The following LCN2 variants were observed in gnomAD, a reference collection of about 807,000 sequenced individuals.
The protein encoded by LCN2 is lipocalin 2.
A neutral mutation model predicts 26.4 loss-of-function variants in LCN2; 27 were observed. The observed-to-expected ratio is 1.02, with a 90% CI of 0.76 to 1.41. The LOEUF is 1.41. LCN2 is among the 40% of genes most tolerant of loss of function. The pLI is 0.00. For missense variants in LCN2, 224 were observed against 237.6 expected (o/e 0.94, Z 0.38); for synonymous variants, 94 against 98.9 (o/e 0.95, Z 0.30).
At chr9:128,152,480 G>C (rs1303684910) in intron 5 of LCN2, among the ~76,000 whole-genome samples, 196 bp downstream of exon 5, 3 of 152,170 alleles carry the variant, frequency 2.0e-5, no homozygotes, top group Non-Finnish European at 4.4e-5. Context: ...GGGACTCCCA[G>C]GGACCCAGGC....
chr9:128,149,490 A>AG lies in LCN2; in HGVS notation c.-35dup. 2 of 1,552,576 alleles carry AG rather than the reference A, an allele frequency of 1.3e-6. No individual in the cohort carries two copies. The highest frequency in any genetic ancestry group is 1.7e-6 in the Non-Finnish European group (2 of 1,147,636). ...CTCTTCCACCCCTGCCAGGCCCAGC[A>AG]GCCACCACAGCGCCTGCTTCCTCGG... On this transcript the variant is annotated 5_prime_UTR_variant, in exon 1 of 7. Coordinates refer to ENST00000277480, the MANE Select transcript of LCN2 (RefSeq NM_005564.5).
Position 128,150,349 on chromosome 9 carries a change from T to C in LCN2, c.250T>C (p.Tyr84His). The change falls in exon 2 of 7, where the codon TAC becomes CAC. Residue 84 changes from tyrosine (Y) to histidine (H), a missense_variant. Physicochemically the swap from Tyr to His is moderately conservative, Grantham distance 83. Coordinates refer to ENST00000277480, the MANE Select transcript of LCN2 (RefSeq NM_005564.5). ...TIYELKEDKSYNVTSVLFRKK... is the reference protein window; with the variant it reads ...TIYELKEDKSHNVTSVLFRKK... ...CTATGAGCTGAAAGAAGACAAGAGC[T>C]ACAATGTCACCTCCGTCCTGTTTAG... The C allele has an allele frequency of 6.2e-7, 1 of 1,614,096 alleles. No individual in the cohort carries two copies. The highest frequency in any genetic ancestry group is 8.5e-7 in the Non-Finnish European group (1 of 1,179,994).
Position 128,150,231 on chromosome 9 carries a change from C to T in LCN2, c.139-7C>T. 6.2e-7 allele frequency: 1 copy of T among 1,612,528 alleles called. No individual in the cohort carries two copies. Among genetic ancestry groups the T allele is most frequent in the East Asian group, 2.2e-5 (1 of 44,872 alleles). On this transcript the variant is annotated splice_polypyrimidine_tract_variant and splice_region_variant and intron_variant, in intron 1 of 6. Coordinates refer to ENST00000277480, the MANE Select transcript of LCN2 (RefSeq NM_005564.5). ...CCTGGGTTGTGCCTCTTATCAGTCC[C>T]TTGCAGTTCCAGGGGAAGTGGTATG... is the stretch of plus-strand genomic sequence containing the variant.
rs971942035 is a variant in LCN2 at position 128,153,371 on chromosome 9, C to T, written c.*68C>T. ...TGAGGGAGCTGGGAGACCCTCCCCA[C>T]AGTGCCACCCATGCAGCTGCTCCCC... is the stretch of plus-strand genomic sequence containing the variant. On this transcript the variant is annotated 3_prime_UTR_variant, in exon 7 of 7. Coordinates refer to ENST00000277480, the MANE Select transcript of LCN2 (RefSeq NM_005564.5). The surrounding 1 kb of genome is among the most constrained non-coding windows in gnomAD (Gnocchi z 5.4). 1.7e-6 allele frequency: 1 copy of T among 580,342 alleles called. No homozygotes were observed. The highest frequency in any genetic ancestry group is 3.1e-6 in the Non-Finnish European group (1 of 323,360). 35.9% of individuals were successfully genotyped at this position (580,342 alleles called of 1,614,324 possible).
chr9:128,149,997 G>T (rs1343950965), intron 1 of LCN2, among the ~76,000 whole-genome samples: 1 of 151,944 alleles, frequency 6.6e-6, no homozygotes, highest in Non-Finnish European at 1.5e-5. Flanking sequence ...GCCTCCTCCA[G>T]TGAGGAGGTC....
Position 128,150,392 on chromosome 9 carries a change from C to T in LCN2, c.275+18C>T, listed in dbSNP as rs781027074. ...CTGTTTAGGTGAGGGCCGACATCTC[C>T]TGGGGGTGTGAGAGTCAGACTGACG... is the stretch of plus-strand genomic sequence containing the variant. On this transcript the variant is annotated intron_variant, in intron 2 of 6. Coordinates refer to ENST00000277480, the MANE Select transcript of LCN2 (RefSeq NM_005564.5). 8 of 1,614,180 alleles carry T rather than the reference C, an allele frequency of 5.0e-6. No individual in the cohort carries two copies. Among genetic ancestry groups the T allele is most frequent in the East Asian group, 2.2e-5 (1 of 44,886 alleles).
intron 2 of LCN2, among the ~76,000 whole-genome samples, chr9:128,150,860 C>T (rs1055461629): frequency 2.6e-5 from 4 of 152,226 alleles, no homozygotes; most frequent in African/African-American, 4.8e-5. Flanking sequence ...TAGCACGGTC[C>T]TCAGGCCCCG....
Position 128,153,379 on chromosome 9 carries a change from C to G in LCN2, c.*76C>G. On this transcript the variant is annotated 3_prime_UTR_variant, in exon 7 of 7. Transcript: ENST00000277480. This position sits in a 1 kb window ranked among gnomAD's most constrained non-coding sequence, Gnocchi z 5.4. ...CTGGGAGACCCTCCCCACAGTGCCA[C>G]CCATGCAGCTGCTCCCCAGGCCACC... is the stretch of plus-strand genomic sequence containing the variant. 1.7e-6 allele frequency: 1 copy of G among 574,756 alleles called. No homozygotes were observed. Among genetic ancestry groups the G allele is most frequent in the Non-Finnish European group, 3.1e-6 (1 of 320,062 alleles). The allele number at this position is 574,756 out of a possible 1,614,324, so 35.6% of individuals were successfully genotyped here. A position where few individuals can be genotyped will look rare whatever the true frequency, so the allele number is the denominator to read the frequency against.
Position 128,153,340 on chromosome 9 carries a change from C to T in LCN2, c.*37C>T, listed in dbSNP as rs953285878. 2 of 622,102 alleles carry T rather than the reference C, an allele frequency of 3.2e-6. No homozygotes were observed. Among genetic ancestry groups the T allele is most frequent in the Non-Finnish European group, 2.9e-6 (1 of 347,346 alleles). 38.5% of individuals were successfully genotyped at this position (622,102 alleles called of 1,614,324 possible). ...CCGCCAGCTGCCGCACCAGCCCGAA[C>T]ACCATTGAGGGAGCTGGGAGACCCT... On this transcript the variant is annotated 3_prime_UTR_variant, in exon 7 of 7. Coordinates refer to ENST00000277480, the MANE Select transcript of LCN2 (RefSeq NM_005564.5). The surrounding 1 kb of genome is among the most constrained non-coding windows in gnomAD (Gnocchi z 5.4).
At chr9:128,151,769 A>G in intron 3 of LCN2, 52 bp downstream of exon 3, 1 of 1,591,720 alleles carries the variant, frequency 6.3e-7, no homozygotes. Flanking sequence ...GGAGCTGGGT[A>G]GGGGCACAGA....
chr9:128,151,403 CA>C (rs1312463812), intron 2 of LCN2: 1 of 606,070 alleles, frequency 1.6e-6, no homozygotes, highest in Admixed American at 3.0e-5. Flanking sequence ...GAGTGGGGTC[CA>C]GGGGCCCCAG....
rs1335613924 is a variant in LCN2, at chr9:128,151,716, G to T, written c.354G>T (p.Lys118Asn). 2 of 1,613,932 alleles carry T rather than the reference G, an allele frequency of 1.2e-6. No homozygotes were observed. Among genetic ancestry groups the T allele is most frequent in the Non-Finnish European group, 1.7e-6 (2 of 1,179,820 alleles). Reference protein sequence around the residue: ...QPGEFTLGNIKSYPGLTSYLV... With the variant: ...QPGEFTLGNINSYPGLTSYLV... ...GCGAGTTCACGCTGGGCAACATTAA[G>T]AGTGAGTCTTGAGTGAGGTGGGGCA... The change falls in exon 3 of 7, where the codon AAG (lysine) becomes AAT (asparagine). Residue 118 changes from lysine (K) to asparagine (N), a missense_variant and splice_region_variant. By Grantham distance (94) the Lys-to-Asn change is moderately conservative (BLOSUM62 0). Transcript: ENST00000277480.
At chr9:128,152,450 T>G in intron 5 of LCN2, 166 bp downstream of exon 5, 1 of 640,510 alleles carries the variant, frequency 1.6e-6, no homozygotes, top group Non-Finnish European at 2.7e-6. Context: ...AGGAAGACTG[T>G]GCCCCACCCC....
At position 128,152,041 on chromosome 9, in the gene LCN2, T is replaced by C. The variant is rs1365600355; in HGVS notation, c.475+16T>C. On this transcript the variant is annotated intron_variant, in intron 4 of 6. Coordinates refer to ENST00000277480, the MANE Select transcript of LCN2 (RefSeq NM_005564.5). ...ACCCTCTACGGTGGGTCCTCTCCCA[T>C]CCCCTCGGGGACTGGCTCCTGATCA... The C allele has an allele frequency of 1.2e-6, 2 of 1,613,950 alleles. No individual in the cohort carries two copies. Among genetic ancestry groups the C allele is most frequent in the Non-Finnish European group, 1.7e-6 (2 of 1,179,914 alleles).
At chr9:128,150,089 C>A in intron 1 of LCN2, 149 bp from the exon 2 acceptor site, 1 of 983,010 alleles carries the variant, frequency 1.0e-6, no homozygotes, top group Non-Finnish European at 1.5e-6. Context: ...CCTGCCCCTT[C>A]ACCAGTGCAG....
rs1835008624 is a variant in LCN2 at position 128,151,753 on chromosome 9, C to T, written c.355+36C>T. ...AGTGAGGTGGGGCACTGAGTTGGGG[C>T]TCCGGGGAGCTGGGTAGGGGCACAG... On this transcript the variant is annotated intron_variant, in intron 3 of 6. Transcript: ENST00000277480. The T allele has an allele frequency of 5.0e-6, 8 of 1,602,488 alleles. No homozygotes were observed. The African/African-American group carries it at 9.4e-5, about 19-fold the overall frequency.
chr9:128,151,758 G>A, intron 3 of LCN2, 41 bp downstream of exon 3: 1 of 1,601,072 alleles, frequency 6.2e-7, no homozygotes, highest in Non-Finnish European at 8.6e-7. Context: ...TGGGGCTCCG[G>A]GGAGCTGGGT....
intron 5 of LCN2, among the ~76,000 whole-genome samples, chr9:128,152,852 C>A (rs759106607): frequency 1.3e-5 from 2 of 152,180 alleles, no homozygotes; most frequent in Non-Finnish European, 2.9e-5. Flanking sequence ...GCCCGAGGAG[C>A]CTGGGAGCTG....
chr9:128,153,207 T>G lies in LCN2; in HGVS notation c.*7+81T>G. 6.5e-7 allele frequency: 1 copy of G among 1,532,454 alleles called. No homozygotes were observed. Among genetic ancestry groups the G allele is most frequent in the Non-Finnish European group, 9.0e-7 (1 of 1,108,648 alleles). The allele number at this position is 1,532,454 out of a possible 1,614,324, so 94.9% of individuals were successfully genotyped here. On this transcript the variant is annotated intron_variant, in intron 6 of 6. Coordinates refer to ENST00000277480, the MANE Select transcript of LCN2 (RefSeq NM_005564.5). The surrounding 1 kb of genome is among the most constrained non-coding windows in gnomAD (Gnocchi z 5.4). ...CTGGGGGTCTTGGGCCTGCCTTTGC[T>G]CATCCCCCTGCCCCCCAGCACTGCT...
Sources: gnomAD v4.1 joint callset for allele counts (sites outside exome capture counted in the v4.1 genomes callset) on GRCh38, gnomAD v4.1.1 for gene constraint, Gnocchi (gnomAD v3.1) non-coding constraint, MANE v1.5 for transcripts, NCBI Gene and HGNC (gene_info 2026-07-23, HGNC 2026-07-21) for gene names.